Variants in SELENBP1 observed in about 807,000 individuals in gnomAD.
SELENBP1 encodes methanethiol oxidase.
In SELENBP1, 71 loss-of-function variants were observed where a neutral mutation model predicts 61.0. That is an observed-to-expected ratio of 1.16 (90% CI 0.96 to 1.42). SELENBP1 has a LOEUF of 1.42. Ranked by LOEUF, SELENBP1 falls within the 40% of genes most tolerant of loss-of-function variation. The probability of loss-of-function intolerance (pLI) is 0.00; values close to 1 mark genes in which losing one functional copy is unlikely to be tolerated. For synonymous variants in SELENBP1, 270 were observed against 238.9 expected (o/e 1.13, Z -1.20); for missense variants, 561 against 605.0 (o/e 0.93, Z 0.76).
intron 5 of SELENBP1, 129 bp from the exon 6 acceptor site, chr1:151,367,033 C>A: frequency 6.8e-7 from 1 of 1,473,926 alleles, no homozygotes; most frequent in South Asian, 1.4e-5. Context: ...GCTGGATTTG[C>A]CAGTTCCTTA....
Position 151,369,039 on chromosome 1 carries a change from C to G in SELENBP1, c.325G>C (p.Val109Leu). Reference protein sequence around the residue: ...LISSRIYVVDVGSEPRAPKLH... With the variant: ...LISSRIYVVDLGSEPRAPKLH... ...TTTGGGGCCCGGGGCTCAGAGCCCACGTCCACCACATAGATGCGAGAGGAG... is the reference window on the plus strand; with the variant it reads ...TTTGGGGCCCGGGGCTCAGAGCCCAGGTCCACCACATAGATGCGAGAGGAG... Residue 109 changes from valine to leucine, a missense_variant, in exon 4 of 12, where the codon GTG (valine) becomes CTG (leucine). Transcript: ENST00000368868. 1 of 1,612,886 alleles carries G rather than the reference C, an allele frequency of 6.2e-7. No individual in the cohort carries two copies. Among genetic ancestry groups the G allele is most frequent in the Non-Finnish European group, 8.5e-7 (1 of 1,179,064 alleles).
At chr1:151,364,839 G>T (rs1651713704) in intron 11 of SELENBP1, 87 bp downstream of exon 11, 1 of 1,506,504 alleles carries the variant, frequency 6.6e-7, no homozygotes, top group African/African-American at 1.4e-5. Context: ...TGGGGTACAG[G>T]GGTCTCCTTG....
chr1:151,365,306 AG>A, intron 9 of SELENBP1, 25 bp from the exon 10 acceptor site: 2 of 1,604,560 alleles, frequency 1.2e-6, no homozygotes, highest in East Asian at 4.5e-5. Context: ...GCAGAGTATA[AG>A]GAGGACCATA....
intron 10 of SELENBP1, 58 bp downstream of exon 10, chr1:151,365,131 C>T (rs1651732161): frequency 1.3e-6 from 2 of 1,588,482 alleles, no homozygotes; most frequent in South Asian, 1.1e-5. Flanking sequence ...GCTGCTCCCC[C>T]ACATATTCCT....
At position 151,366,456 on chromosome 1, in the gene SELENBP1, G is replaced by T. The variant is rs747189960; in HGVS notation, c.665-3C>A. The T allele has an allele frequency of 1.9e-6, 3 of 1,610,288 alleles. No homozygotes were observed. Among genetic ancestry groups the T allele is most frequent in the Admixed American group, 3.3e-5 (2 of 59,870 alleles). The stretch of plus-strand genomic sequence containing the variant: ...ATATAAGTGGCTCCCGTACAGTCCT[G>T]GGGTGGGAGTGGGGCCGGAGGATAG... On this transcript the variant is annotated splice_region_variant and splice_polypyrimidine_tract_variant and intron_variant, in intron 6 of 11. Coordinates refer to ENST00000368868, the MANE Select transcript of SELENBP1 (RefSeq NM_003944.4).
Position 151,364,905 on chromosome 1 carries a change from GC to G in SELENBP1, c.1256+20del. 1 of 1,607,352 alleles carries G rather than the reference GC, an allele frequency of 6.2e-7. No individual in the cohort carries two copies. Among genetic ancestry groups the G allele is most frequent in the African/African-American group, 1.3e-5 (1 of 74,860 alleles). On this transcript the variant is annotated intron_variant, in intron 11 of 11. Coordinates refer to ENST00000368868, the MANE Select transcript of SELENBP1 (RefSeq NM_003944.4). ...TGGAAGAGGAGGGCTGGGGAGGAGA[GC>G]CCATGTGTCTGCTTCTCACCTGATG...
chr1:151,368,301 T>C lies in SELENBP1; in HGVS notation c.379A>G (p.Ile127Val). 6.2e-7 allele frequency: 1 copy of C among 1,614,200 alleles called. No homozygotes were observed. Among genetic ancestry groups the C allele is most frequent in the South Asian group, 1.1e-5 (1 of 91,084 alleles). ...AAGGCCAGTTCGCACTTGGCATGGA[T>C]GTCCTTGGGCTCAATGACCTGGAAG... ...KLHKVIEPKD[I>V]HAKCELAFLH... The change falls in exon 5 of 12, where the codon ATC becomes GTC. Residue 127 changes from isoleucine (I) to valine (V), a missense_variant. Ile to Val is a conservative substitution (Grantham distance 29, BLOSUM62 3). Coordinates refer to ENST00000368868, the MANE Select transcript of SELENBP1 (RefSeq NM_003944.4).
chr1:151,367,857 G>A (rs564927575), intron 5 of SELENBP1, among the ~76,000 whole-genome samples: 3 of 152,262 alleles, frequency 2.0e-5, no homozygotes, highest in Admixed American at 1.3e-4. Flanking sequence ...CACAGAGATG[G>A]GGTTTCACCA....
At chr1:151,366,174 T>C in intron 7 of SELENBP1, 101 bp downstream of exon 7, 12 of 1,410,744 alleles carry the variant, frequency 8.5e-6, no homozygotes, top group South Asian at 2.7e-5. Context: ...GCCTCATTTT[T>C]TTCGTTCCTG....
At chr1:151,368,360 G>C in intron 4 of SELENBP1, 41 bp from the exon 5 acceptor site, 1 of 1,603,066 alleles carries the variant, frequency 6.2e-7, no homozygotes, top group Non-Finnish European at 8.5e-7. Context: ...ATACAGGACT[G>C]GGAGTCCCTG....
rs373378022 is a variant in SELENBP1 at position 151,372,658 on chromosome 1, C to T, written c.-17G>A. The T allele has an allele frequency of 2.0e-4, 327 of 1,614,018 alleles. 1 individual carries two copies. Among genetic ancestry groups the T allele is most frequent in the Non-Finnish European group, 2.7e-4 (317 of 1,180,018 alleles). On this transcript the variant is annotated 5_prime_UTR_variant, in exon 1 of 12. In the 5' UTR this introduces an upstream ATG that the reference lacks. Transcript: ENST00000368868. ...CTTACCCATGCTGCCGACTGGTACA[C>T]TTTGATCCCGGCGGGTTTGCTGTGC...
At chr1:151,364,732 G>A in intron 11 of SELENBP1, 27 bp from the exon 12 acceptor site, 1 of 1,556,782 alleles carries the variant, frequency 6.4e-7, no homozygotes, top group Non-Finnish European at 8.7e-7. Context: ...TGGGGTAAGG[G>A]AGAGGTCAGA....
At chr1:151,369,865 AG>A in intron 1 of SELENBP1, 96 bp from the exon 2 acceptor site, 1 of 1,551,304 alleles carries the variant, frequency 6.4e-7, no homozygotes, top group Non-Finnish European at 8.7e-7. Flanking sequence ...GGGCCACGGC[AG>A]TGCGGCTGGC....
At chr1:151,372,073 T>C (rs898874598) in intron 1 of SELENBP1, among the ~76,000 whole-genome samples, 1 of 151,878 alleles carries the variant, frequency 6.6e-6, no homozygotes, top group Admixed American at 6.6e-5. Flanking sequence ...CCCAGAAGCC[T>C]ACAGATGGAG....
intron 5 of SELENBP1, 147 bp downstream of exon 5, chr1:151,368,052 T>C (rs1651948268): frequency 1.9e-6 from 2 of 1,051,402 alleles, no homozygotes; most frequent in Non-Finnish European, 2.8e-6. Flanking sequence ...TTGCTAACAT[T>C]TAAAATACTG....
In SELENBP1 at chr1:151,372,095, C is replaced by T. The variant is rs538125006; in HGVS notation, c.4+543G>A. Among the ~76,000 whole-genome samples, 83 of 152,210 alleles carry T rather than the reference C, an allele frequency of 5.5e-4. 1 individual carries two copies. Among genetic ancestry groups the T allele is most frequent in the African/African-American group, 2.0e-3 (81 of 41,524 alleles). On this transcript the variant is annotated intron_variant, in intron 1 of 11. Transcript: ENST00000368868. ...GCCTACAGATGGAGGAATAGCAGGG[C>T]CAAGGGGGATTTAGGGGTGGGGGAG...
At chr1:151,371,612 CAG>C (rs1425787643) in intron 1 of SELENBP1, among the ~76,000 whole-genome samples, 6 of 151,832 alleles carry the variant, frequency 4.0e-5, no homozygotes, top group African/African-American at 1.2e-4. Context: ...CACCAGATGA[CAG>C]GGGGTGGGGA....
chr1:151,366,828 C>A lies in SELENBP1; in HGVS notation c.558G>T (p.Leu186Phe). Residue 186 changes from leucine to phenylalanine, a missense_variant, in exon 6 of 12, where the codon TTG becomes TTT. Leu to Phe is a conservative substitution (Grantham distance 22). Coordinates refer to ENST00000368868, the MANE Select transcript of SELENBP1 (RefSeq NM_003944.4). The part of the protein sequence containing the change: ...TWERPGGAAP[L>F]GYDFWYQPRH... ...GAGGCTGGTACCAGAAGTCATAGCC[C>A]AACGGTGCAGCACCCCCAGGTCTCT... 6.2e-7 allele frequency: 1 copy of A among 1,614,140 alleles called. No individual in the cohort carries two copies. The highest frequency in any genetic ancestry group is 8.5e-7 in the Non-Finnish European group (1 of 1,180,036).
intron 1 of SELENBP1, chr1:151,370,152 G>A (rs987791251): frequency 7.6e-6 from 4 of 529,260 alleles, no homozygotes; most frequent in Non-Finnish European, 3.3e-6. Flanking sequence ...CTCAATTTCT[G>A]CATCCTCTGT....
Sources: gnomAD v4.1 joint callset for allele counts (sites outside exome capture counted in the v4.1 genomes callset) on GRCh38, gnomAD v4.1.1 for gene constraint, MANE v1.5 for transcripts, NCBI Gene and HGNC (gene_info 2026-07-23, HGNC 2026-07-21) for gene names.